BMPR2: variants seen among roughly 807,000 people sequenced by gnomAD.
The protein encoded by BMPR2 is bone morphogenetic protein receptor type-2.
Under a neutral mutation model 100.8 loss-of-function variants are expected in BMPR2, and 29 were observed. That is an observed-to-expected ratio of 0.29 (90% CI 0.21 to 0.39). The LOEUF (loss-of-function observed/expected upper bound fraction) is 0.39. Among genes scored for constraint, BMPR2 ranks in the 10% least tolerant of loss-of-function variants. The pLI is 1.00. For missense variants in BMPR2, 1,011 were observed against 1,274.5 expected (o/e 0.79, Z 3.15); for synonymous variants, 382 against 442.3 (o/e 0.86, Z 1.71).
At chr2:202,502,698 T>G (rs1171240158) in intron 3 of BMPR2, among the ~76,000 whole-genome samples, 1 of 152,190 alleles carries the variant, frequency 6.6e-6, no homozygotes, top group Non-Finnish European at 1.5e-5. Context: ...GGCCTAGACC[T>G]CCTCACTGCT....
chr2:202,447,936 C>T (rs1303725942), intron 1 of BMPR2, among the ~76,000 whole-genome samples: 1 of 150,188 alleles, frequency 6.7e-6, no homozygotes, highest in Non-Finnish European at 1.5e-5. Flanking sequence ...ATGAGGATGG[C>T]CACCCATTGC....
At chr2:202,396,751 T>A (rs1385866948) in intron 1 of BMPR2, among the ~76,000 whole-genome samples, 3 of 152,158 alleles carry the variant, frequency 2.0e-5, no homozygotes, top group Non-Finnish European at 4.4e-5. Context: ...CAACAATGTA[T>A]TTCATTGATG....
At chr2:202,445,596 A>G (rs1691833508) in intron 1 of BMPR2, among the ~76,000 whole-genome samples, 1 of 149,126 alleles carries the variant, frequency 6.7e-6, no homozygotes, top group Non-Finnish European at 1.5e-5. Flanking sequence ...ATTCCCACCA[A>G]CAGTGTATAA....
chr2:202,423,173 GC>G (rs1332661555), intron 1 of BMPR2, among the ~76,000 whole-genome samples: 1 of 152,166 alleles, frequency 6.6e-6, no homozygotes, highest in African/African-American at 2.4e-5. Flanking sequence ...ACAGGTGTGA[GC>G]CACCATGCCC....
At chr2:202,417,366 G>A (rs1031890958) in intron 1 of BMPR2, among the ~76,000 whole-genome samples, 1 of 151,986 alleles carries the variant, frequency 6.6e-6, no homozygotes, top group Non-Finnish European at 1.5e-5. Context: ...GCAATGGCAC[G>A]ATCTCGGCTC....
Position 202,512,963 on chromosome 2 carries a change from A to AT in BMPR2, c.419-740dup, listed in dbSNP as rs1231674043. 4.5e-3 allele frequency among the ~76,000 whole-genome samples: 641 copies of AT among 143,028 alleles called. 2 individuals are homozygous for AT. Among genetic ancestry groups the AT allele is most frequent in the African/African-American group, 9.1e-3 (357 of 39,138 alleles). 93.8% of individuals were successfully genotyped at this position (143,028 alleles called of 152,430 possible). On this transcript the variant is annotated intron_variant, in intron 3 of 12. Transcript: ENST00000374580. ...TATGCTTTTTTAAAAAAAAACTTTA[A>AT]TTTTTTTTTTTTTTTTAAAGAAACA...
At chr2:202,533,565 C>T (rs1476262022) in intron 9 of BMPR2, among the ~76,000 whole-genome samples, 2 of 151,946 alleles carry the variant, frequency 1.3e-5, no homozygotes, top group African/African-American at 2.4e-5. Flanking sequence ...TGGCTTACAC[C>T]TGTAATCCCA....
At chr2:202,483,455 C>G (rs1416165174) in intron 3 of BMPR2, among the ~76,000 whole-genome samples, 2 of 151,692 alleles carry the variant, frequency 1.3e-5, no homozygotes, top group Admixed American at 6.6e-5. Flanking sequence ...CATCTCAGCT[C>G]ACTGCAATCT....
At chr2:202,423,541 A>G (rs912196896) in intron 1 of BMPR2, among the ~76,000 whole-genome samples, 2 of 152,180 alleles carry the variant, frequency 1.3e-5, no homozygotes, top group African/African-American at 4.8e-5. Flanking sequence ...GCTTGAGCCC[A>G]GGAGTTCAAG....
chr2:202,526,967 G>A (rs1171147353), intron 7 of BMPR2, among the ~76,000 whole-genome samples: 1 of 151,972 alleles, frequency 6.6e-6, no homozygotes, highest in Non-Finnish European at 1.5e-5. Flanking sequence ...GGATTCAAGC[G>A]ATTCTCCTGC....
At chr2:202,534,392 C>T (rs901887413) in intron 9 of BMPR2, among the ~76,000 whole-genome samples, 1 of 151,680 alleles carries the variant, frequency 6.6e-6, no homozygotes, top group Non-Finnish European at 1.5e-5. Flanking sequence ...TTTTCCTAGG[C>T]AGAGGACCCT....
At chr2:202,438,859 CTTTA>C (rs1400415482) in intron 1 of BMPR2, among the ~76,000 whole-genome samples, 1 of 150,584 alleles carries the variant, frequency 6.6e-6, no homozygotes, top group East Asian at 1.9e-4. Context: ...GTGCTACAGT[CTTTA>C]TTTGTTGCTT....
At chr2:202,536,499 T>C (rs943571147) in intron 9 of BMPR2, among the ~76,000 whole-genome samples, 4 of 152,220 alleles carry the variant, frequency 2.6e-5, no homozygotes. Flanking sequence ...TCTAGAAGTA[T>C]ATTTTCTAGT....
chr2:202,479,883 T>C (rs1384677495), intron 3 of BMPR2, among the ~76,000 whole-genome samples: 1 of 152,248 alleles, frequency 6.6e-6, no homozygotes, highest in East Asian at 1.9e-4. Context: ...TTTCCTGTGC[T>C]TCTTAAACAT....
chr2:202,472,649 C>T (rs564386079), intron 3 of BMPR2, among the ~76,000 whole-genome samples: 13 of 152,132 alleles, frequency 8.5e-5, no homozygotes, highest in African/African-American at 2.7e-4. Context: ...ACAGAGACTC[C>T]GTCTCAAAAA....
chr2:202,508,057 C>T (rs1420125906), intron 3 of BMPR2, among the ~76,000 whole-genome samples: 1 of 143,384 alleles, frequency 7.0e-6, no homozygotes, highest in Admixed American at 7.3e-5. Context: ...ATCTAAAAAG[C>T]TGTCATTTGA....
chr2:202,406,536 A>G (rs890104300), intron 1 of BMPR2, among the ~76,000 whole-genome samples: 48 of 152,228 alleles, frequency 3.2e-4, no homozygotes, highest in African/African-American at 1.1e-3. Context: ...TATTTTCTGG[A>G]AAGTGAATGT....
intron 1 of BMPR2, among the ~76,000 whole-genome samples, chr2:202,418,461 A>G (rs1370185930): frequency 6.6e-6 from 1 of 152,242 alleles, no homozygotes; most frequent in East Asian, 1.9e-4. Context: ...TCTGAGCCAA[A>G]TATGAGTGAC....
chr2:202,542,213 AT>A (rs1187299572), intron 9 of BMPR2, 97 bp from the exon 10 acceptor site: 109 of 1,414,908 alleles, frequency 7.7e-5, no homozygotes, highest in Admixed American at 1.1e-4. Context: ...TTGTGACACA[AT>A]TTTTTTTGCT....
Sources: allele counts gnomAD v4.1 joint callset (sites outside exome capture counted in the v4.1 genomes callset), GRCh38; gene constraint gnomAD v4.1.1; transcripts MANE v1.5; gene names NCBI Gene and HGNC (gene_info 2026-07-23, HGNC 2026-07-21).